The following NCAM2 variants were observed in gnomAD, a reference collection of about 807,000 sequenced individuals.
The protein encoded by NCAM2 is neural cell adhesion molecule 2.
In NCAM2, 30 loss-of-function variants were observed where a neutral mutation model predicts 98.1. The ratio of observed to expected loss-of-function variants is 0.31; its 90% CI spans 0.23 to 0.41. The LOEUF (loss-of-function observed/expected upper bound fraction) is 0.41. Among genes scored for constraint, NCAM2 ranks in the 10% least tolerant of loss-of-function variants. NCAM2 has a pLI of 1.00. For synonymous variants in NCAM2, 368 were observed against 342.4 expected, an observed-to-expected ratio of 1.07 and a Z score of -0.83; for missense variants, 867 against 1,005.8, an observed-to-expected ratio of 0.86 and a Z score of 1.87.
At chr21:21,127,311 AATTT>A (rs1176196106) in intron 1 of NCAM2, among the ~76,000 whole-genome samples, 4 of 151,876 alleles carry the variant, frequency 2.6e-5, no homozygotes, top group Non-Finnish European at 4.4e-5. Flanking sequence ...ATAGTCAATA[AATTT>A]ATTTATTTTA....
chr21:21,507,690 T>C (rs1329564733), intron 15 of NCAM2, among the ~76,000 whole-genome samples: 1 of 149,196 alleles, frequency 6.7e-6, no homozygotes, highest in Non-Finnish European at 1.5e-5. Context: ...CTCGGGAGGC[T>C]GAGGCATGAG....
At chr21:21,237,272 G>A (rs879551361) in intron 1 of NCAM2, among the ~76,000 whole-genome samples, 1 of 151,992 alleles carries the variant, frequency 6.6e-6, no homozygotes, top group East Asian at 1.9e-4. Context: ...TGTCACTGTG[G>A]TTTCAATTTT....
intron 1 of NCAM2, among the ~76,000 whole-genome samples, chr21:21,080,188 T>C (rs1395953439): frequency 6.6e-6 from 1 of 152,212 alleles, no homozygotes; most frequent in Non-Finnish European, 1.5e-5. Flanking sequence ...ATGTATTTGC[T>C]CAGTCCCATC....
Position 21,288,860 on chromosome 21 carries a change from C to CT in NCAM2, c.481+2450dup, listed in dbSNP as rs2067234004. Among the ~76,000 whole-genome samples, 4 of 151,862 alleles carry CT rather than the reference C, an allele frequency of 2.6e-5. No individual in the cohort carries two copies. The Admixed American group carries it at 2.6e-4, about 10-fold the overall frequency. On this transcript the variant is annotated intron_variant, in intron 4 of 17. Transcript: ENST00000400546. ...ATAATGAAAGCTTGGAAATGCTCAT[C>CT]TTATTAGCTATGCTTTTGATTGTAG...
intron 1 of NCAM2, among the ~76,000 whole-genome samples, chr21:21,174,026 C>T (rs561877268): frequency 7.9e-5 from 12 of 152,220 alleles, no homozygotes; most frequent in South Asian, 4.2e-4. Flanking sequence ...CGAGTTCAAG[C>T]GATTCTCCTG....
intron 1 of NCAM2, among the ~76,000 whole-genome samples, chr21:21,253,670 A>T (rs1373310941): frequency 6.6e-6 from 1 of 152,238 alleles, no homozygotes; most frequent in Non-Finnish European, 1.5e-5. Context: ...GTAATTTGTT[A>T]TAGCAGGCCA....
chr21:21,261,179 A>G (rs1374893692), intron 1 of NCAM2, among the ~76,000 whole-genome samples: 1 of 152,184 alleles, frequency 6.6e-6, no homozygotes, highest in African/African-American at 2.4e-5. Flanking sequence ...TACACACAAC[A>G]TCAGCACAGC....
At chr21:21,501,210 C>A (rs1987607185) in intron 15 of NCAM2, among the ~76,000 whole-genome samples, 1 of 151,962 alleles carries the variant, frequency 6.6e-6, no homozygotes, top group South Asian at 2.1e-4. Context: ...TGGTAGACTG[C>A]TTGCCTAACA....
At chr21:21,084,104 T>C (rs2065863580) in intron 1 of NCAM2, among the ~76,000 whole-genome samples, 1 of 152,152 alleles carries the variant, frequency 6.6e-6, no homozygotes, top group Non-Finnish European at 1.5e-5. Flanking sequence ...TCCTGGTTTG[T>C]AGAAGGCCGT....
At chr21:21,018,114 C>T (rs548143159) in intron 1 of NCAM2, among the ~76,000 whole-genome samples, 1 of 152,282 alleles carries the variant, frequency 6.6e-6, no homozygotes, top group African/African-American at 2.4e-5. Flanking sequence ...ATTCACACTT[C>T]GTATAACTGA....
chr21:21,173,163 T>C (rs1370551149), intron 1 of NCAM2, among the ~76,000 whole-genome samples: 1 of 152,154 alleles, frequency 6.6e-6, no homozygotes, highest in Non-Finnish European at 1.5e-5. Flanking sequence ...TTTTTGTGTA[T>C]TTAGTAACAC....
chr21:21,336,421 G>T (rs529564511), intron 7 of NCAM2, among the ~76,000 whole-genome samples: 108 of 151,964 alleles, frequency 7.1e-4, no homozygotes, highest in Middle Eastern at 3.4e-3. Flanking sequence ...GTTGTGGGGT[G>T]GGGGGAGTGG....
At position 21,100,955 on chromosome 21, in the gene NCAM2, A is replaced by G. The variant is rs372663618; in HGVS notation, c.55+102337A>G. Reference sequence around the variant, plus strand: ...GATTCTAATGAATTTGATCTGTTACATTGACTTATTGACTCTGCCTAAATG... The same window carrying G: ...GATTCTAATGAATTTGATCTGTTACGTTGACTTATTGACTCTGCCTAAATG... On this transcript the variant is annotated intron_variant, in intron 1 of 17. Transcript: ENST00000400546. Among the ~76,000 whole-genome samples, 3 of 152,112 alleles carry G rather than the reference A, an allele frequency of 2.0e-5. No homozygotes were observed. The East Asian group carries it at 5.8e-4, about 29-fold the overall frequency.
intron 8 of NCAM2, among the ~76,000 whole-genome samples, chr21:21,341,132 C>T (rs973852071): frequency 6.6e-6 from 1 of 152,014 alleles, no homozygotes; most frequent in East Asian, 1.9e-4. Flanking sequence ...TGAGAATGGT[C>T]AAGTCACGCT....
At chr21:21,324,218 G>A (rs1601975842) in intron 5 of NCAM2, among the ~76,000 whole-genome samples, 165 bp from the exon 6 acceptor site, 2 of 152,064 alleles carry the variant, frequency 1.3e-5, no homozygotes, top group Admixed American at 6.6e-5. Flanking sequence ...AAAGAACGCA[G>A]ATCAGTGATA....
At chr21:21,238,083 G>C (rs537744360) in intron 1 of NCAM2, among the ~76,000 whole-genome samples, 1 of 149,346 alleles carries the variant, frequency 6.7e-6, no homozygotes, top group South Asian at 2.1e-4. Flanking sequence ...AGCCTCCCAA[G>C]TAGCTGGGAC....
chr21:21,288,983 A>G lies in NCAM2; in HGVS notation c.481+2571A>G, dbSNP rs79498334. On this transcript the variant is annotated intron_variant, in intron 4 of 17. Coordinates refer to ENST00000400546, the MANE Select transcript of NCAM2 (RefSeq NM_004540.5). ...GGAGATCCGTATGCTAAAGGATCCAAGCATTGTGGGAGTAAAGGTGACATT... is the reference window on the plus strand; with the variant it reads ...GGAGATCCGTATGCTAAAGGATCCAGGCATTGTGGGAGTAAAGGTGACATT... 5.4e-3 allele frequency among the ~76,000 whole-genome samples: 822 copies of G among 151,994 alleles called. 12 individuals carry two copies. Among genetic ancestry groups the G allele is most frequent in the African/African-American group, 0.019 (792 of 41,506 alleles).
intron 1 of NCAM2, among the ~76,000 whole-genome samples, chr21:21,189,564 TA>T (rs1358954390): frequency 1.3e-5 from 2 of 152,034 alleles, no homozygotes; most frequent in East Asian, 1.9e-4. Flanking sequence ...CGTCTCTATT[TA>T]AAAAATAAAT....
chr21:21,324,627 G>T, intron 6 of NCAM2, 127 bp downstream of exon 6: 1 of 693,402 alleles, frequency 1.4e-6, no homozygotes, highest in Non-Finnish European at 2.4e-6. Context: ...AAAAAATCCT[G>T]GTGCTATCTT....
Sources: gnomAD v4.1 joint callset for allele counts (sites outside exome capture counted in the v4.1 genomes callset) on GRCh38, gnomAD v4.1.1 for gene constraint, MANE v1.5 for transcripts, NCBI Gene and HGNC (gene_info 2026-07-23, HGNC 2026-07-21) for gene names.